INTS4: variants seen among roughly 807,000 people sequenced by gnomAD.
INTS4 encodes the protein integrator complex subunit 4.
A neutral mutation model predicts 119.5 loss-of-function variants in INTS4; 70 were observed. That is an observed-to-expected ratio of 0.59 (90% confidence interval 0.48 to 0.71). The LOEUF (loss-of-function observed/expected upper bound fraction) is 0.71. INTS4 is among the 30% of genes least tolerant of loss of function. The pLI, the probability that INTS4 is intolerant of heterozygous loss-of-function variation, is 0.00. For missense variants in INTS4, 867 were observed against 1,173.2 expected (o/e 0.74, Z 3.81); for synonymous variants, 316 against 419.6 (o/e 0.75, Z 3.02).
chr11:77,883,776 G>A (rs1565221114), intron 22 of INTS4, 56 bp downstream of exon 22: 2 of 1,587,060 alleles, frequency 1.3e-6, no homozygotes, highest in East Asian at 2.3e-5. Context: ...ACGCTTAAGG[G>A]TAGGTGTGAT....
chr11:77,879,208 A>C (rs891816421), intron 22 of INTS4, 81 bp from the exon 23 acceptor site: 1 of 1,486,778 alleles, frequency 6.7e-7, no homozygotes, highest in Non-Finnish European at 9.2e-7. Flanking sequence ...AAGAAATATC[A>C]AAATGGAAGC....
chr11:77,938,331 G>T (rs1349640380), intron 10 of INTS4, among the ~76,000 whole-genome samples: 2 of 152,010 alleles, frequency 1.3e-5, no homozygotes, highest in African/African-American at 4.8e-5. Context: ...AAATAGGCAC[G>T]TGTATTATGC....
At chr11:77,987,540 C>T (rs1468660614) in intron 2 of INTS4, 3 of 409,182 alleles carry the variant, frequency 7.3e-6, no homozygotes, top group African/African-American at 6.3e-5. Context: ...GAAAATAGAT[C>T]ACTGAGAGAT....
chr11:77,918,416 C>CAAAAA (rs34005455), intron 15 of INTS4: 20 of 58,514 alleles, frequency 3.4e-4, no homozygotes, highest in Admixed American at 6.1e-4. Flanking sequence ...GACCCTGTCT[C>CAAAAA]AAAAAAAAAA....
chr11:77,969,330 A>G (rs903896359), intron 4 of INTS4, among the ~76,000 whole-genome samples: 2 of 152,178 alleles, frequency 1.3e-5, no homozygotes, highest in African/African-American at 2.4e-5. Flanking sequence ...TAACATGTAC[A>G]AATCAATGGT....
intron 21 of INTS4, among the ~76,000 whole-genome samples, chr11:77,887,370 C>A (rs1303845722): frequency 6.6e-6 from 1 of 152,176 alleles, no homozygotes; most frequent in South Asian, 2.1e-4. Flanking sequence ...CAAAATTCAA[C>A]AACCTTCATG....
At chr11:77,952,983 T>C (rs1954231636) in intron 8 of INTS4, among the ~76,000 whole-genome samples, 4 of 152,304 alleles carry the variant, frequency 2.6e-5, no homozygotes, top group Admixed American at 2.6e-4. Context: ...TTTTAAAACA[T>C]TCATAACCCA....
intron 2 of INTS4, among the ~76,000 whole-genome samples, chr11:77,988,971 C>T (rs1211804263): frequency 3.9e-5 from 6 of 152,006 alleles, no homozygotes; most frequent in Non-Finnish European, 4.4e-5. Flanking sequence ...TAAAAAGGTA[C>T]TGGGAGAACA....
intron 4 of INTS4, among the ~76,000 whole-genome samples, chr11:77,968,260 G>A (rs1035055518): frequency 6.6e-6 from 1 of 152,072 alleles, no homozygotes; most frequent in Non-Finnish European, 1.5e-5. Flanking sequence ...TTACTTCAGT[G>A]GGAAAATGGC....
intron 10 of INTS4, among the ~76,000 whole-genome samples, chr11:77,933,666 C>A (rs1049603707): frequency 6.6e-6 from 1 of 152,014 alleles, no homozygotes; most frequent in Non-Finnish European, 1.5e-5. Flanking sequence ...AAGTGAAGAG[C>A]GTCTCTGCCT....
Position 77,927,208 on chromosome 11 carries a change from G to A in INTS4, c.1371+1134C>T, listed in dbSNP as rs979872439. Reference sequence around the variant, plus strand: ...TGGAAAAGAAAGCTAAAAAGGAAAGGAGTGGCTAGGCTATGTATGAGGCCA... The same window carrying A: ...TGGAAAAGAAAGCTAAAAAGGAAAGAAGTGGCTAGGCTATGTATGAGGCCA... On this transcript the variant is annotated intron_variant, in intron 11 of 22. Coordinates refer to ENST00000534064, the MANE Select transcript of INTS4 (RefSeq NM_033547.4). Among the ~76,000 whole-genome samples the A allele has an allele frequency of 5.3e-5, 8 of 152,266 alleles. No homozygotes were observed. The East Asian group carries it at 1.2e-3, about 22-fold the overall frequency.
chr11:77,941,328 A>G (rs1953924042), intron 8 of INTS4, 77 bp from the exon 9 acceptor site: 3 of 1,535,518 alleles, frequency 2.0e-6, no homozygotes, highest in Admixed American at 2.1e-5. Context: ...GAGTCTATAG[A>G]CAATTTAAGT....
intron 8 of INTS4, among the ~76,000 whole-genome samples, chr11:77,951,849 C>T (rs537993544): frequency 3.0e-4 from 46 of 152,206 alleles, no homozygotes; most frequent in Non-Finnish European, 3.2e-4. Context: ...AAAAAGTGGG[C>T]GAAGGATATG....
chr11:77,899,626 G>A (rs1952690218), intron 18 of INTS4, among the ~76,000 whole-genome samples: 1 of 151,232 alleles, frequency 6.6e-6, no homozygotes, highest in African/African-American at 2.4e-5. Context: ...GCTGAGATCG[G>A]ACCACTGCAC....
intron 4 of INTS4, among the ~76,000 whole-genome samples, chr11:77,962,470 G>A (rs1197786105): frequency 1.3e-5 from 2 of 151,984 alleles, no homozygotes; most frequent in Admixed American, 1.3e-4. Flanking sequence ...CATTACCCTA[G>A]TCCAATGCTA....
chr11:77,976,355 G>A (rs928963886), intron 4 of INTS4, among the ~76,000 whole-genome samples: 2 of 152,012 alleles, frequency 1.3e-5, no homozygotes, highest in Non-Finnish European at 2.9e-5. Context: ...CAAGACCTTC[G>A]TCTTTTTTTC....
intron 2 of INTS4, among the ~76,000 whole-genome samples, chr11:77,985,622 T>C (rs1206088083): frequency 6.6e-6 from 1 of 152,188 alleles, no homozygotes; most frequent in Admixed American, 6.6e-5. Context: ...TCATTTCTTA[T>C]TTACTCAAGA....
Position 77,966,481 on chromosome 11 carries a change from G to A in INTS4, c.472-5343C>T, listed in dbSNP as rs188906940. 6.5e-4 allele frequency among the ~76,000 whole-genome samples: 99 copies of A among 152,262 alleles called. 1 individual carries two copies. Among genetic ancestry groups the A allele is most frequent in the African/African-American group, 2.0e-3 (85 of 41,538 alleles). On this transcript the variant is annotated intron_variant, in intron 4 of 22. Coordinates refer to ENST00000534064, the MANE Select transcript of INTS4 (RefSeq NM_033547.4). The stretch of plus-strand genomic sequence containing the variant: ...CACTCAGTTCAAGTATGTGTATGAC[G>A]TAAGGGTCTAATTTCATTCTCCTGC...
chr11:77,899,440 G>A (rs1316656149), intron 18 of INTS4, among the ~76,000 whole-genome samples: 1 of 152,144 alleles, frequency 6.6e-6, no homozygotes, highest in Non-Finnish European at 1.5e-5. Flanking sequence ...GGGAGGCCGA[G>A]TCGGGTGGAT....
Sources: gnomAD v4.1 joint callset for allele counts (sites outside exome capture counted in the v4.1 genomes callset) on GRCh38, gnomAD v4.1.1 for gene constraint, MANE v1.5 for transcripts, NCBI Gene and HGNC (gene_info 2026-07-23, HGNC 2026-07-21) for gene names.